PYY: variants seen among roughly 807,000 people sequenced by gnomAD.
PYY encodes the protein peptide tyrosine tyrosine.
Under a neutral mutation model 10.3 loss-of-function variants are expected in PYY, and 12 were observed. The ratio of observed to expected loss-of-function variants is 1.17; its 90% CI spans 0.75 to 1.89. The LOEUF (loss-of-function observed/expected upper bound fraction) is 1.89, where lower values mean the gene tolerates loss of function less well. PYY is among the 40% of genes most tolerant of loss of function. The probability of loss-of-function intolerance (pLI) is 0.00; values close to 1 mark genes in which losing one functional copy is unlikely to be tolerated. For missense variants in PYY, 141 were observed against 134.0 expected (o/e 1.05, Z -0.26); for synonymous variants, 66 against 62.0 (o/e 1.06, Z -0.30).
intron 1 of PYY, among the ~76,000 whole-genome samples, chr17:43,972,191 T>TTTAATTTA (rs1555617855): frequency 1.4e-5 from 2 of 138,204 alleles, no homozygotes; most frequent in Admixed American, 7.4e-5. Context: ...TTTTATTTTA[T>TTTAATTTA]TTTATTTATT....
chr17:44,001,585 G>A (rs1180908368), intron 1 of PYY, among the ~76,000 whole-genome samples: 1 of 152,184 alleles, frequency 6.6e-6, no homozygotes, highest in African/African-American at 2.4e-5. Context: ...CAATGGGCCT[G>A]GAGTTAATCA....
chr17:43,982,561 G>A (rs892978836), intron 1 of PYY, among the ~76,000 whole-genome samples: 1 of 152,228 alleles, frequency 6.6e-6, no homozygotes, highest in Admixed American at 6.5e-5. Flanking sequence ...GCCAGAGAAG[G>A]GTTTAGCTAA....
rs758211532 is a variant in PYY at position 43,963,586 on chromosome 17, G to GAA, written c.-218+2700_-218+2701dup. Among the ~76,000 whole-genome samples, 564 of 73,050 alleles carry GAA rather than the reference G, an allele frequency of 7.7e-3. 3 individuals carry two copies. Among genetic ancestry groups the GAA allele is most frequent in the East Asian group, 0.018 (41 of 2,306 alleles). The allele number at this position is 73,050 out of a possible 152,430, so 47.9% of individuals were successfully genotyped here. On this transcript the variant is annotated intron_variant, in intron 2 of 6. Transcript: ENST00000360085. ...GAAGGAAGGAAAAGAAAGAAAGAAA[G>GAA]AAAGAAAGAAAGAAAGAAAGAAAGA...
Position 43,953,283 on chromosome 17 carries a change from C to T in PYY, c.188+13G>A. 1 of 1,610,428 alleles carries T rather than the reference C, an allele frequency of 6.2e-7. No homozygotes were observed. Among genetic ancestry groups the T allele is most frequent in the Non-Finnish European group, 8.5e-7 (1 of 1,178,328 alleles). The stretch of plus-strand genomic sequence containing the variant: ...TGAGAGCCCCAGGGGTCCCGCTCCG[C>T]GCCTGCGCTCACCGCTGCCGGGTGA... On this transcript the variant is annotated intron_variant, in intron 2 of 3. Transcript: ENST00000692052.
intron 2 of PYY, among the ~76,000 whole-genome samples, chr17:43,959,986 C>G (rs537636500): frequency 6.6e-6 from 1 of 152,344 alleles, no homozygotes; most frequent in Admixed American, 6.5e-5. Flanking sequence ...GTCTTTGTGG[C>G]TCCTGGCATC....
chr17:43,993,241 A>G (rs2048969604), intron 1 of PYY, among the ~76,000 whole-genome samples: 1 of 152,068 alleles, frequency 6.6e-6, no homozygotes, highest in Non-Finnish European at 1.5e-5. Context: ...CGGGTGGATC[A>G]CGAGGTCAGG....
rs1426021075 is a variant in PYY, at chr17:44,003,787, AG to A, written c.-463+603del. The stretch of plus-strand genomic sequence containing the variant: ...TGCTTGAGCTCAGGAGTTCACGAAC[AG>A]TCTGGGCAACATGGTGAACACCCGT... On this transcript the variant is annotated intron_variant, in intron 1 of 6. Transcript: ENST00000360085. Among the ~76,000 whole-genome samples the A allele has an allele frequency of 5.9e-5, 9 of 151,974 alleles. No individual in the cohort carries two copies. In the South Asian group the frequency reaches 6.2e-4, roughly 11 times the overall value.
chr17:43,993,420 C>T (rs2048971050), intron 1 of PYY, among the ~76,000 whole-genome samples: 1 of 150,018 alleles, frequency 6.7e-6, no homozygotes, highest in Non-Finnish European at 1.5e-5. Context: ...GATTGCACCA[C>T]TGCACTCCAG....
chr17:43,990,939 C>T (rs770772853), intron 1 of PYY, among the ~76,000 whole-genome samples: 7 of 151,446 alleles, frequency 4.6e-5, no homozygotes, highest in Non-Finnish European at 8.8e-5. Context: ...GGACTACAGG[C>T]GCCCGCCACC....
At chr17:43,989,189 A>G (rs1324364968) in intron 1 of PYY, among the ~76,000 whole-genome samples, 2 of 152,000 alleles carry the variant, frequency 1.3e-5, no homozygotes, top group Non-Finnish European at 2.9e-5. Flanking sequence ...CCTGGCTAAC[A>G]CGGTGAAACC....
At chr17:43,970,649 G>T (rs1055005929) in intron 1 of PYY, among the ~76,000 whole-genome samples, 1 of 152,158 alleles carries the variant, frequency 6.6e-6, no homozygotes, top group Non-Finnish European at 1.5e-5. Context: ...ACTGAATGGA[G>T]AAAGGACTCC....
At chr17:43,985,885 A>G (rs2048912574) in intron 1 of PYY, among the ~76,000 whole-genome samples, 1 of 152,242 alleles carries the variant, frequency 6.6e-6, no homozygotes, top group Non-Finnish European at 1.5e-5. Flanking sequence ...ATACAAAAAA[A>G]TACCTATATA....
chr17:43,963,566 AAGGAAAAGAAAGAAAG>A (rs1186602310), intron 2 of PYY, among the ~76,000 whole-genome samples: 12 of 119,338 alleles, frequency 1.0e-4, no homozygotes, highest in African/African-American at 3.1e-4. Flanking sequence ...GGAAGGAAGG[AAGGAAAAGAAAGAAAG>A]AAAGAAAGAA....
chr17:43,955,933 T>G (rs559987313), upstream of PYY, among the ~76,000 whole-genome samples: 2 of 150,654 alleles, frequency 1.3e-5, no homozygotes, highest in Non-Finnish European at 3.0e-5. Context: ...TACCAGAGAG[T>G]AGGGGGCTAT....
chr17:43,961,206 A>G lies in PYY; in HGVS notation c.-217-3178T>C, dbSNP rs553667210. 7.2e-4 allele frequency among the ~76,000 whole-genome samples: 109 copies of G among 152,022 alleles called. 1 individual carries two copies. The highest frequency in any genetic ancestry group is 2.5e-3 in the African/African-American group (103 of 41,458). Reference sequence around the variant, plus strand: ...GCTCCACTGCACTCCAGCCTGGGCAACAGAGCAAAACCCCATCTCAAAAAA... The same window carrying G: ...GCTCCACTGCACTCCAGCCTGGGCAGCAGAGCAAAACCCCATCTCAAAAAA... On this transcript the variant is annotated intron_variant, in intron 2 of 6. Coordinates refer to the PYY transcript ENST00000360085.
At chr17:43,988,163 T>C (rs2048927506) in intron 1 of PYY, among the ~76,000 whole-genome samples, 1 of 152,164 alleles carries the variant, frequency 6.6e-6, no homozygotes, top group Non-Finnish European at 1.5e-5. Flanking sequence ...TTTCCTCCTG[T>C]TTCTGCCTCT....
intron 2 of PYY, among the ~76,000 whole-genome samples, chr17:43,962,452 T>C (rs2048718539): frequency 6.7e-6 from 1 of 148,162 alleles, no homozygotes; most frequent in Non-Finnish European, 1.5e-5. Context: ...TTGTTACTTT[T>C]TCTTATGTGA....
intron 2 of PYY, among the ~76,000 whole-genome samples, chr17:43,962,722 C>A (rs978836546): frequency 2.0e-5 from 3 of 152,168 alleles, no homozygotes; most frequent in Non-Finnish European, 4.4e-5. Context: ...ATTTGTATGA[C>A]TTGAGATGTA....
At chr17:44,004,211 A>G (rs2049052820) in intron 1 of PYY, among the ~76,000 whole-genome samples, 1 of 151,516 alleles carries the variant, frequency 6.6e-6, no homozygotes. Context: ...CAGGACAGAC[A>G]AGGCCAGCAC....
Sources: allele counts gnomAD v4.1 joint callset (sites outside exome capture counted in the v4.1 genomes callset), GRCh38; gene constraint gnomAD v4.1.1; transcripts MANE v1.5; gene names NCBI Gene and HGNC (gene_info 2026-07-23, HGNC 2026-07-21).